The following RNF216 variants were observed in gnomAD, a reference collection of about 807,000 sequenced individuals.
The protein encoded by RNF216 is ring finger protein 216.
In RNF216, 72 loss-of-function variants were observed where a neutral mutation model predicts 110.8. The observed-to-expected ratio is 0.65, with a 90% CI of 0.54 to 0.79. RNF216 has a LOEUF of 0.79. Among genes scored for constraint, RNF216 ranks in the 30% least tolerant of loss-of-function variants. RNF216 has a pLI of 0.00. For missense variants in RNF216, 1,342 were observed against 1,141.2 expected, an observed-to-expected ratio of 1.18 and a Z score of -2.54; for synonymous variants, 495 against 407.5, an observed-to-expected ratio of 1.21 and a Z score of -2.59.
At chr7:5,649,958 A>T (rs1429892925) in intron 14 of RNF216, 11 of 152,242 alleles carry the variant, frequency 7.2e-5, no homozygotes, top group African/African-American at 2.7e-4. Context: ...GTTCAATAGG[A>T]TAACACACCG....
intron 1 of RNF216, among the ~76,000 whole-genome samples, chr7:5,773,474 C>G (rs1372308480): frequency 6.6e-6 from 1 of 151,078 alleles, no homozygotes; most frequent in East Asian, 2.0e-4. Flanking sequence ...AACTCCTGAC[C>G]TCGTGATTTC....
At chr7:5,710,392 G>A (rs139938845) in intron 13 of RNF216, among the ~76,000 whole-genome samples, 2 of 149,816 alleles carry the variant, frequency 1.3e-5, no homozygotes, top group African/African-American at 2.5e-5. Context: ...AACAAAAAAC[G>A]TCCTCAGAGA....
chr7:5,743,319 C>T (rs1190598901), intron 3 of RNF216, among the ~76,000 whole-genome samples: 1 of 152,090 alleles, frequency 6.6e-6, no homozygotes. Context: ...TGTCTGTCAT[C>T]ATTTTTTCAT....
chr7:5,635,492 A>C (rs1351057378), intron 15 of RNF216, among the ~76,000 whole-genome samples: 56 of 152,226 alleles, frequency 3.7e-4, no homozygotes, highest in African/African-American at 1.2e-3. Context: ...ACCTTTCCTT[A>C]CCAGGTTTCT....
chr7:5,666,740 C>G (rs1328053887), intron 13 of RNF216: 1 of 152,060 alleles, frequency 6.6e-6, no homozygotes, highest in Non-Finnish European at 1.5e-5. Context: ...TGACTAAGCC[C>G]CTTCCAAAGG....
rs188123535 is a variant in RNF216, at chr7:5,637,457, C to T, written c.2382+3697G>A. Among the ~76,000 whole-genome samples, 5 of 152,246 alleles carry T rather than the reference C, an allele frequency of 3.3e-5. 1 individual carries two copies. In the South Asian group the frequency reaches 6.2e-4, roughly 19 times the overall value. ...TTCCCACCCAGTTAGGAGCTTGTTC[C>T]GTGATAGAACATTCCTGAAATAGAG... On this transcript the variant is annotated intron_variant, in intron 15 of 16. Coordinates refer to ENST00000389902, the MANE Select transcript of RNF216 (RefSeq NM_207111.4).
At chr7:5,650,398 C>G (rs149758339) in intron 14 of RNF216, among the ~76,000 whole-genome samples, 1 of 152,318 alleles carries the variant, frequency 6.6e-6, no homozygotes, top group Admixed American at 6.5e-5. Context: ...GAAGGCTGTG[C>G]TTTGTAAGTA....
intron 15 of RNF216, among the ~76,000 whole-genome samples, chr7:5,636,747 T>C (rs572484882): frequency 1.1e-4 from 16 of 152,228 alleles, no homozygotes; most frequent in South Asian, 1.0e-3. Context: ...TCAGAGGAAA[T>C]TGGAGGGATT....
At chr7:5,740,069 G>T (rs1402215227) in intron 4 of RNF216, among the ~76,000 whole-genome samples, 3 of 144,294 alleles carry the variant, frequency 2.1e-5, no homozygotes, top group Non-Finnish European at 4.5e-5. Context: ...TAACGGACTT[G>T]TTTGAAGGCA....
intron 7 of RNF216, among the ~76,000 whole-genome samples, chr7:5,729,171 C>G (rs1029397547): frequency 1.3e-5 from 2 of 152,218 alleles, no homozygotes; most frequent in Non-Finnish European, 2.9e-5. Flanking sequence ...GCATCTTTCA[C>G]ACTCCTGCAT....
chr7:5,747,176 T>G (rs890692572), intron 3 of RNF216, among the ~76,000 whole-genome samples: 10 of 152,196 alleles, frequency 6.6e-5, no homozygotes, highest in African/African-American at 2.2e-4. Flanking sequence ...CCTGAAAATG[T>G]AGCATGAAAT....
intron 15 of RNF216, among the ~76,000 whole-genome samples, chr7:5,632,941 G>A (rs947997123): frequency 6.6e-6 from 1 of 152,150 alleles, no homozygotes; most frequent in African/African-American, 2.4e-5. Context: ...AAAGCAGAGA[G>A]TGAAACGGGA....
At chr7:5,701,340 G>T (rs1051954574) in intron 13 of RNF216, among the ~76,000 whole-genome samples, 5 of 152,176 alleles carry the variant, frequency 3.3e-5, no homozygotes, top group Admixed American at 3.3e-4. Context: ...TTTTCCACCT[G>T]CCCACTTTAG....
At chr7:5,717,192 AAAAATAC>A (rs1485690313) in intron 9 of RNF216, among the ~76,000 whole-genome samples, 1 of 152,116 alleles carries the variant, frequency 6.6e-6, no homozygotes, top group African/African-American at 2.4e-5. Context: ...CATCTCTACT[AAAAATAC>A]AAAATTAGCT....
chr7:5,738,020 G>A (rs1794527569), intron 5 of RNF216, among the ~76,000 whole-genome samples: 1 of 146,018 alleles, frequency 6.8e-6, no homozygotes, highest in Non-Finnish European at 1.5e-5. Flanking sequence ...CTGGGAGGTG[G>A]AGACTGCTGT....
intron 1 of RNF216, among the ~76,000 whole-genome samples, chr7:5,776,458 G>A (rs1327834277): frequency 2.0e-5 from 3 of 151,586 alleles, no homozygotes; most frequent in Admixed American, 6.6e-5. Context: ...AGCCAGGCGT[G>A]GTGGCGGGCG....
chr7:5,745,455 T>G (rs4724718), intron 3 of RNF216, among the ~76,000 whole-genome samples: 125,694 of 152,112 alleles, frequency 0.83, 53,642 homozygotes, highest in Middle Eastern at 0.92. Context: ...CTATTAAAAT[T>G]TTTGAGGAAG....
At chr7:5,645,325 G>T (rs924244302) in intron 14 of RNF216, among the ~76,000 whole-genome samples, 2 of 152,082 alleles carry the variant, frequency 1.3e-5, no homozygotes, top group African/African-American at 4.8e-5. Context: ...TATTCTTTCT[G>T]TTCATTTTGC....
intron 1 of RNF216, among the ~76,000 whole-genome samples, chr7:5,772,524 C>T (rs1796550854): frequency 1.3e-5 from 2 of 152,088 alleles, no homozygotes; most frequent in South Asian, 4.2e-4. Context: ...CAATCCTTTC[C>T]TTCCTCTCTG....
Sources: allele counts gnomAD v4.1 joint callset (sites outside exome capture counted in the v4.1 genomes callset), GRCh38; gene constraint gnomAD v4.1.1; transcripts MANE v1.5; gene names NCBI Gene and HGNC (gene_info 2026-07-23, HGNC 2026-07-21).